The following ASAP1 variants were observed in gnomAD, a reference collection of about 807,000 sequenced individuals.
ASAP1 encodes ArfGAP with SH3 domain, ankyrin repeat and PH domain 1.
ASAP1 carries 43 observed loss-of-function variants against 145.2 expected under a neutral mutation model. That is an observed-to-expected ratio of 0.30 (90% CI 0.23 to 0.38). The LOEUF (loss-of-function observed/expected upper bound fraction) is 0.38, where lower values mean the gene tolerates loss of function less well. ASAP1 is among the 10% of genes least tolerant of loss of function. The probability of loss-of-function intolerance (pLI) is 1.00; values close to 1 mark genes in which losing one functional copy is unlikely to be tolerated. For synonymous variants in ASAP1, 546 were observed against 515.5 expected (o/e 1.06, Z -0.80); for missense variants, 1,018 against 1,355.3 (o/e 0.75, Z 3.91).
intron 9 of ASAP1, among the ~76,000 whole-genome samples, chr8:130,178,439 A>G (rs764659842): frequency 5.9e-5 from 9 of 152,258 alleles, no homozygotes; most frequent in Non-Finnish European, 8.8e-5. Context: ...CATAACAAAA[A>G]GATAGCCCTG....
rs144836191 is a variant in ASAP1 at position 130,272,524 on chromosome 8, A to G, written c.187-35530T>C. Among the ~76,000 whole-genome samples, 1,204 of 152,336 alleles carry G rather than the reference A, an allele frequency of 7.9e-3. 16 individuals carry two copies. The highest frequency in any genetic ancestry group is 0.028 in the African/African-American group (1,157 of 41,580). On this transcript the variant is annotated intron_variant, in intron 3 of 29. Transcript: ENST00000518721. ...GTATTTCTCCAAACGAAAGGAAATCAGTATATAAAAGGGATGCCTGCACCC... is the reference window on the plus strand; with the variant it reads ...GTATTTCTCCAAACGAAAGGAAATCGGTATATAAAAGGGATGCCTGCACCC...
chr8:130,092,981 G>T (rs2097508798), intron 24 of ASAP1, among the ~76,000 whole-genome samples: 1 of 140,702 alleles, frequency 7.1e-6, no homozygotes, highest in South Asian at 2.4e-4. Context: ...AAATAATGAA[G>T]AAAGAACTGG....
intron 13 of ASAP1, 78 bp downstream of exon 13, chr8:130,152,658 G>C: frequency 1.0e-6 from 1 of 959,370 alleles, no homozygotes. Context: ...ATATATTTGC[G>C]CCAATTTTTA....
intron 3 of ASAP1, among the ~76,000 whole-genome samples, chr8:130,307,505 A>C (rs924527082): frequency 6.6e-6 from 1 of 152,196 alleles, no homozygotes; most frequent in Non-Finnish European, 1.5e-5. Context: ...CTAGCAATCC[A>C]GAGCAAAGTG....
At chr8:130,290,332 A>G (rs1332146248) in intron 3 of ASAP1, among the ~76,000 whole-genome samples, 1 of 152,208 alleles carries the variant, frequency 6.6e-6, no homozygotes, top group African/African-American at 2.4e-5. Context: ...CAGGTGAAAC[A>G]GCAAGGCCTA....
intron 3 of ASAP1, among the ~76,000 whole-genome samples, chr8:130,353,170 T>G (rs768643857): frequency 7.2e-5 from 11 of 152,244 alleles, no homozygotes; most frequent in South Asian, 2.1e-4. Context: ...ATTTCTTTAT[T>G]TCTTAAAGAC....
At chr8:130,197,351 C>T (rs1815566119) in intron 5 of ASAP1, among the ~76,000 whole-genome samples, 2 of 152,208 alleles carry the variant, frequency 1.3e-5, no homozygotes, top group African/African-American at 4.8e-5. Context: ...ATTGCCTGAG[C>T]CCAGGAGGTT....
At chr8:130,372,657 A>G (rs1234333586) in intron 2 of ASAP1, among the ~76,000 whole-genome samples, 1 of 152,214 alleles carries the variant, frequency 6.6e-6, no homozygotes. Flanking sequence ...ATTTTTCCAC[A>G]GTTTTTTTCT....
intron 3 of ASAP1, among the ~76,000 whole-genome samples, chr8:130,284,777 C>T (rs1821493971): frequency 6.6e-6 from 1 of 151,574 alleles, no homozygotes; most frequent in Non-Finnish European, 1.5e-5. Context: ...CCTAATATTC[C>T]CTCCCCCCAT....
rs188113334 is a variant in ASAP1 at position 130,235,514 on chromosome 8, C to T, written c.259+1408G>A. 1.1e-3 allele frequency among the ~76,000 whole-genome samples: 167 copies of T among 152,176 alleles called. 1 individual carries two copies. The highest frequency in any genetic ancestry group is 3.7e-3 in the African/African-American group (152 of 41,538). On this transcript the variant is annotated intron_variant, in intron 4 of 29. Transcript: ENST00000518721. ...AAAGAGCTAGTATCAAACATAAGGG[C>T]CTACCACAGTGTGGGAGTTCATTGA...
rs528687193 is a variant in ASAP1, at chr8:130,219,713, TAAG to T, written c.260-5015_260-5013del. 4.9e-4 allele frequency among the ~76,000 whole-genome samples: 75 copies of T among 152,306 alleles called. 1 individual carries two copies. Among genetic ancestry groups the T allele is most frequent in the South Asian group, 1.2e-3 (6 of 4,824 alleles). On this transcript the variant is annotated intron_variant, in intron 4 of 29. Transcript: ENST00000518721. ...GAACAGAGAAATGTGATCCATCCGT[TAAG>T]AAGACACATTCTTTCCCAATATTCC... is the stretch of plus-strand genomic sequence containing the variant.
At chr8:130,121,821 G>C (rs1222970747) in intron 18 of ASAP1, among the ~76,000 whole-genome samples, 29 of 101,748 alleles carry the variant, frequency 2.9e-4, no homozygotes, top group Non-Finnish European at 4.2e-4. Context: ...AAGAACATAC[G>C]ATCAATTTAG....
intron 1 of ASAP1, among the ~76,000 whole-genome samples, chr8:130,416,815 C>T (rs1029742196): frequency 2.0e-5 from 3 of 152,218 alleles, no homozygotes; most frequent in Admixed American, 6.5e-5. Context: ...TGACCACATG[C>T]CACAACCACT....
intron 13 of ASAP1, among the ~76,000 whole-genome samples, chr8:130,139,175 G>A (rs1193196012): frequency 1.3e-5 from 2 of 152,202 alleles, no homozygotes; most frequent in Non-Finnish European, 2.9e-5. Context: ...AAACTCTGAA[G>A]ATGAGTTAGA....
chr8:130,066,848 G>A lies in ASAP1; in HGVS notation c.2702-5779C>T, dbSNP rs187682528. Among the ~76,000 whole-genome samples the A allele has an allele frequency of 2.7e-3, 414 of 152,258 alleles. 5 individuals are homozygous for A. The highest frequency in any genetic ancestry group is 1.6e-3 in the Non-Finnish European group (106 of 68,022). ...TCAGCAGCCAAGACTGAGGGCCACT[G>A]CCCCCCATTTCAGCCTCTATTTGTA... On this transcript the variant is annotated intron_variant, in intron 27 of 29. Transcript: ENST00000518721.
chr8:130,333,751 G>A (rs190341668), intron 3 of ASAP1, among the ~76,000 whole-genome samples: 4 of 152,334 alleles, frequency 2.6e-5, no homozygotes, highest in South Asian at 2.1e-4. Flanking sequence ...CAATCATACA[G>A]ATAAAATTAT....
At chr8:130,206,353 T>C (rs1221804215) in intron 5 of ASAP1, among the ~76,000 whole-genome samples, 2 of 152,118 alleles carry the variant, frequency 1.3e-5, no homozygotes. Flanking sequence ...CTTTTTAACA[T>C]TTCAAAGAAG....
chr8:130,332,371 T>A (rs1824749078), intron 3 of ASAP1, among the ~76,000 whole-genome samples: 1 of 152,238 alleles, frequency 6.6e-6, no homozygotes, highest in Non-Finnish European at 1.5e-5. Context: ...ACCTGCACTT[T>A]TTGAATATTC....
intron 2 of ASAP1, among the ~76,000 whole-genome samples, chr8:130,385,656 C>A (rs1827979647): frequency 6.6e-6 from 1 of 152,152 alleles, no homozygotes; most frequent in African/African-American, 2.4e-5. Flanking sequence ...TTGGTGTGTC[C>A]ACGAGTGGAG....
Sources: allele counts gnomAD v4.1 joint callset (sites outside exome capture counted in the v4.1 genomes callset), GRCh38; gene constraint gnomAD v4.1.1; transcripts MANE v1.5; gene names NCBI Gene and HGNC (gene_info 2026-07-23, HGNC 2026-07-21).